The following KCNG2 variants were observed in gnomAD, a reference collection of about 807,000 sequenced individuals.
KCNG2 encodes the protein voltage-gated potassium channel regulatory subunit KCNG2.
KCNG2 carries 7 observed loss-of-function variants against 12.3 expected under a neutral mutation model. The ratio of observed to expected loss-of-function variants is 0.57; its 90% CI spans 0.32 to 1.07. The LOEUF is 1.07. KCNG2 is among the 50% of genes least tolerant of loss of function. KCNG2 has a pLI of 0.04. For synonymous variants in KCNG2, 414 were observed against 351.4 expected (o/e 1.18, Z -1.99); for missense variants, 703 against 726.0 (o/e 0.97, Z 0.36).
intron 1 of KCNG2, among the ~76,000 whole-genome samples, chr18:79,812,603 G>A (rs940255140): frequency 4.6e-5 from 7 of 152,252 alleles, no homozygotes; most frequent in Non-Finnish European, 1.0e-4. Context: ...GCTCACGCCT[G>A]TAATCCCATC....
chr18:79,817,893 G>GT (rs2087541922), intron 1 of KCNG2, among the ~76,000 whole-genome samples: 1 of 152,228 alleles, frequency 6.6e-6, no homozygotes, highest in Non-Finnish European at 1.5e-5. Flanking sequence ...AGGTCTCGGG[G>GT]TGGGGGTGCC....
chr18:79,807,803 G>A (rs1451704873), intron 1 of KCNG2, among the ~76,000 whole-genome samples: 3 of 147,316 alleles, frequency 2.0e-5, no homozygotes, highest in Non-Finnish European at 4.5e-5. Context: ...CACACTCCAC[G>A]TTATGGGCCC....
chr18:79,808,131 G>A (rs78027252), intron 1 of KCNG2, among the ~76,000 whole-genome samples: 59 of 108,150 alleles, frequency 5.5e-4, no homozygotes, highest in South Asian at 1.1e-3. Context: ...GCGCTCTGAG[G>A]AGCTGCCGGG....
chr18:79,884,481 G>A lies in KCNG2; in HGVS notation c.625-14559G>A, dbSNP rs1233973607. On this transcript the variant is annotated intron_variant, in intron 3 of 3. Transcript: ENST00000316249. The surrounding 1 kb of genome is among the most constrained non-coding windows in gnomAD (Gnocchi z 5.5). ...GGTTCCCCCAGTGGGATGGAGCCCC[G>A]GCCACTGGGTCCCCGGGGGAGAGCC... is the stretch of plus-strand genomic sequence containing the variant. Among the ~76,000 whole-genome samples, 1 of 152,170 alleles carries A rather than the reference G, an allele frequency of 6.6e-6. No individual in the cohort carries two copies. Among genetic ancestry groups the A allele is most frequent in the Non-Finnish European group, 1.5e-5 (1 of 68,024 alleles).
At chr18:79,872,564 C>T (rs1041420191) in intron 3 of KCNG2, among the ~76,000 whole-genome samples, 8 of 152,116 alleles carry the variant, frequency 5.3e-5, no homozygotes, top group African/African-American at 1.9e-4. Flanking sequence ...GGATTACAGG[C>T]GGAGGCACCG....
At position 79,899,118 on chromosome 18, in the gene KCNG2, C is replaced by T. The variant is rs1981090053; in HGVS notation, c.703C>T (p.Leu235=). ...GGCCTGGTTCTCCTTCGAGTTCCTG[C>T]TGCGCTCCCTGCAGGCCGAGAGCAA... ...CVAWFSFEFL[L]RSLQAESKCA... is the part of the protein sequence containing the mutation. Residue 235 remains leucine, a synonymous_variant, in exon 4 of 4, where the codon CTG becomes TTG. Transcript: ENST00000316249. 6.2e-7 allele frequency: 1 copy of T among 1,606,862 alleles called. No individual in the cohort carries two copies. Among genetic ancestry groups the T allele is most frequent in the Non-Finnish European group, 8.5e-7 (1 of 1,179,008 alleles).
chr18:79,847,137 T>C (rs924196238), intron 1 of KCNG2, among the ~76,000 whole-genome samples: 2 of 152,266 alleles, frequency 1.3e-5, no homozygotes, highest in African/African-American at 4.8e-5. Flanking sequence ...TCCTGAACAG[T>C]TGGCTTCTGA....
Position 79,864,139 on chromosome 18 carries a change from CGCGGCCGGCG to C in KCNG2, c.476_485del (p.Gly159AlafsTer35). On this transcript the variant is annotated frameshift_variant, in exon 3 of 4. Transcript: ENST00000316249. LOFTEE classifies it high-confidence loss of function. ...CCTGGGACCTCGGGGGCGGCTGCAG[CGCGGCCGGCG>C]GCGCCTGCGCGACGTGGTGGACAAC... The C allele has an allele frequency of 7.4e-7, 1 of 1,357,396 alleles. No homozygotes were observed. The highest frequency in any genetic ancestry group is 9.5e-7 in the Non-Finnish European group (1 of 1,056,208). The allele number at this position is 1,357,396 out of a possible 1,614,324, so 84.1% of individuals were successfully genotyped here. A position where few individuals can be genotyped will look rare whatever the true frequency, so the allele number is the denominator to read the frequency against.
In KCNG2 at chr18:79,899,109, G is replaced by A. The variant is rs1314955584; in HGVS notation, c.694G>A (p.Glu232Lys). Residue 232 changes from glutamate to lysine, a missense_variant, in exon 4 of 4, where the codon GAG becomes AAG. Physicochemically the swap from Glu to Lys is moderately conservative, Grantham distance 56. Transcript: ENST00000316249. ...CGTGTGCGTGGCCTGGTTCTCCTTC[G>A]AGTTCCTGCTGCGCTCCCTGCAGGC... ...ETVCVAWFSFEFLLRSLQAES... is the reference protein window; with the variant it reads ...ETVCVAWFSFKFLLRSLQAES... 6.2e-7 allele frequency: 1 copy of A among 1,605,202 alleles called. No homozygotes were observed. Among genetic ancestry groups the A allele is most frequent in the Non-Finnish European group, 8.5e-7 (1 of 1,178,356 alleles).
At chr18:79,878,781 G>T (rs1270637613) in intron 3 of KCNG2, among the ~76,000 whole-genome samples, 2 of 152,244 alleles carry the variant, frequency 1.3e-5, no homozygotes, top group Non-Finnish European at 2.9e-5. Flanking sequence ...GGACGGTGCA[G>T]GCAGGAATGG....
intron 1 of KCNG2, among the ~76,000 whole-genome samples, chr18:79,840,297 A>G (rs924085177): frequency 3.3e-5 from 5 of 152,234 alleles, no homozygotes; most frequent in African/African-American, 1.2e-4. Context: ...TAAGATAAAC[A>G]TACAAAATCA....
chr18:79,890,786 C>T (rs1980717454), intron 3 of KCNG2, among the ~76,000 whole-genome samples: 2 of 152,148 alleles, frequency 1.3e-5, no homozygotes, highest in South Asian at 2.1e-4. Flanking sequence ...GTTCCTTCCT[C>T]GTTTCTGTAG....
At chr18:79,866,066 GCTGAGAGGTCTGTGTT>G (rs755992046) in intron 3 of KCNG2, among the ~76,000 whole-genome samples, 1,938 of 146,680 alleles carry the variant, frequency 0.013, 37 homozygotes, top group Non-Finnish European at 0.02. Context: ...AGGTCTGGGT[GCTGAGAGGTCTGTGTT>G]CTGAGAGGTC....
At chr18:79,891,169 CTTCT>C (rs1980730438) in intron 3 of KCNG2, among the ~76,000 whole-genome samples, 1 of 152,148 alleles carries the variant, frequency 6.6e-6, no homozygotes, top group East Asian at 1.9e-4. Context: ...TGAGATCTTT[CTTCT>C]TTCTTATAGG....
chr18:79,830,639 T>C (rs1978292763), intron 1 of KCNG2, among the ~76,000 whole-genome samples: 1 of 152,224 alleles, frequency 6.6e-6, no homozygotes, highest in East Asian at 1.9e-4. Context: ...TCCCGAGTGA[T>C]GAGACCCCCA....
At chr18:79,855,513 A>G (rs1216162293) in intron 1 of KCNG2, among the ~76,000 whole-genome samples, 1 of 151,866 alleles carries the variant, frequency 6.6e-6, no homozygotes, top group East Asian at 1.9e-4. Flanking sequence ...GCCTGCGACC[A>G]CCTTTGTGCG....
chr18:79,822,143 T>C lies in KCNG2; in HGVS notation c.-115+24129T>C, dbSNP rs2087575341. Among the ~76,000 whole-genome samples the C allele has an allele frequency of 1.3e-5, 2 of 152,118 alleles. No individual in the cohort carries two copies. Among genetic ancestry groups the C allele is most frequent in the Admixed American group, 1.3e-4 (2 of 15,274 alleles). On this transcript the variant is annotated intron_variant, in intron 1 of 3. Transcript: ENST00000316249. This position sits in a 1 kb window ranked among gnomAD's most constrained non-coding sequence, Gnocchi z 4.4. ...GTCCTGGGGTTTAAGCAGGAAATGTTAGATTTTTAAAAGCTTTTTATTTGA... is the reference window on the plus strand; with the variant it reads ...GTCCTGGGGTTTAAGCAGGAAATGTCAGATTTTTAAAAGCTTTTTATTTGA...
chr18:79,863,179 G>A (rs1568260447), intron 2 of KCNG2, among the ~76,000 whole-genome samples: 1 of 152,238 alleles, frequency 6.6e-6, no homozygotes, highest in Non-Finnish European at 1.5e-5. Flanking sequence ...TTTTCCAGCA[G>A]GTCCCCTGGC....
intron 3 of KCNG2, among the ~76,000 whole-genome samples, chr18:79,889,202 T>G (rs1051066395): frequency 6.6e-6 from 1 of 152,246 alleles, no homozygotes; most frequent in Admixed American, 6.5e-5. Context: ...ATGCCATATC[T>G]CATAGCCCTT....
Sources: gnomAD v4.1 joint callset for allele counts (sites outside exome capture counted in the v4.1 genomes callset) on GRCh38, gnomAD v4.1.1 for gene constraint, Gnocchi (gnomAD v3.1) non-coding constraint, MANE v1.5 for transcripts, NCBI Gene and HGNC (gene_info 2026-07-23, HGNC 2026-07-21) for gene names.